DSCAM: variants seen among roughly 807,000 people sequenced by gnomAD.
DSCAM encodes cell adhesion molecule DSCAM.
DSCAM carries 47 observed loss-of-function variants against 217.7 expected under a neutral mutation model. That is an observed-to-expected ratio of 0.22 (90% CI 0.17 to 0.28). The LOEUF (loss-of-function observed/expected upper bound fraction) is 0.28, where lower values mean the gene tolerates loss of function less well. Ranked by LOEUF, DSCAM falls within the 10% of genes least tolerant of loss-of-function variation. The pLI is 1.00. For missense variants in DSCAM, 2,080 were observed against 2,618.3 expected (o/e 0.79, Z 4.49); for synonymous variants, 1,056 against 1,015.3 (o/e 1.04, Z -0.76).
intron 27 of DSCAM, among the ~76,000 whole-genome samples, chr21:40,072,350 C>CTT (rs3069680): frequency 0.2 from 28,543 of 141,242 alleles, 3,577 homozygotes; most frequent in East Asian, 0.38. Context: ...CTGTCAGATT[C>CTT]TTTTTTTTTT....
At position 40,846,779 on chromosome 21, in the gene DSCAM, CCCGCCGCCGCCGCCG is replaced by C. The variant is rs41386156; in HGVS notation, c.-133_-119del. ...CCCGGGGGCCGCCGCCCGCCCGCCG[CCCGCCGCCGCCGCCG>C]CCGCTGCCTAGCCGCCCGGGCACGC... On this transcript the variant is annotated 5_prime_UTR_variant, in exon 1 of 33. Coordinates refer to ENST00000400454, the MANE Select transcript of DSCAM (RefSeq NM_001389.5). 1 of 307,458 alleles carries C rather than the reference CCCGCCGCCGCCGCCG, an allele frequency of 3.3e-6. No individual in the cohort carries two copies. The highest frequency in any genetic ancestry group is 4.7e-6 in the Non-Finnish European group (1 of 212,912). 19.0% of individuals were successfully genotyped at this position (307,458 alleles called of 1,614,324 possible).
At chr21:40,444,146 G>C (rs1179813988) in intron 3 of DSCAM, among the ~76,000 whole-genome samples, 2 of 152,054 alleles carry the variant, frequency 1.3e-5, no homozygotes, top group South Asian at 2.1e-4. Context: ...ACATGTTCAA[G>C]AGAGGATTCA....
intron 27 of DSCAM, among the ~76,000 whole-genome samples, chr21:40,074,625 C>G (rs1490489765): frequency 6.6e-6 from 1 of 152,212 alleles, no homozygotes; most frequent in Admixed American, 6.5e-5. Flanking sequence ...AATGCTTCAC[C>G]AGTATCCTAA....
intron 1 of DSCAM, among the ~76,000 whole-genome samples, chr21:40,744,883 G>T (rs1200364618): frequency 6.6e-6 from 1 of 152,124 alleles, no homozygotes; most frequent in Non-Finnish European, 1.5e-5. Context: ...TAATTTCAGG[G>T]AGTCACAAGA....
At chr21:40,552,724 C>G (rs1467791604) in intron 3 of DSCAM, among the ~76,000 whole-genome samples, 1 of 152,156 alleles carries the variant, frequency 6.6e-6, no homozygotes, top group African/African-American at 2.4e-5. Context: ...AAATTCTTAT[C>G]TAGATGAATT....
intron 9 of DSCAM, among the ~76,000 whole-genome samples, chr21:40,307,566 A>G (rs2074093040): frequency 6.6e-6 from 1 of 152,308 alleles, no homozygotes; most frequent in South Asian, 2.1e-4. Context: ...CATTTGACCC[A>G]GCCATCCCAT....
At chr21:40,497,301 A>G (rs1359403007) in intron 3 of DSCAM, among the ~76,000 whole-genome samples, 1 of 152,228 alleles carries the variant, frequency 6.6e-6, no homozygotes, top group Admixed American at 6.5e-5. Context: ...TCAGCTTTAT[A>G]AAAAAGGAAA....
intron 1 of DSCAM, among the ~76,000 whole-genome samples, chr21:40,774,722 T>A (rs919899169): frequency 6.6e-6 from 1 of 152,054 alleles, no homozygotes; most frequent in African/African-American, 2.4e-5. Context: ...GCCACATTCA[T>A]CATCACTTAG....
At position 40,348,076 on chromosome 21, in the gene DSCAM, T is replaced by G. The variant is rs1188801835; in HGVS notation, c.935-131A>C. 12 of 777,084 alleles carry G rather than the reference T, an allele frequency of 1.5e-5. No homozygotes were observed. In the East Asian group the frequency reaches 2.4e-4, roughly 16 times the overall value. 48.1% of individuals were successfully genotyped at this position (777,084 alleles called of 1,614,324 possible). On this transcript the variant is annotated intron_variant, in intron 5 of 32. Coordinates refer to ENST00000400454, the MANE Select transcript of DSCAM (RefSeq NM_001389.5). Reference sequence around the variant, plus strand: ...CTCCACACAGTTCCCATCAGCCACATTATTGCAATCATACTCCACACAGTT... The same window carrying G: ...CTCCACACAGTTCCCATCAGCCACAGTATTGCAATCATACTCCACACAGTT...
At chr21:40,846,570 C>T in intron 1 of DSCAM, 49 bp downstream of exon 1, 1 of 280,022 alleles carries the variant, frequency 3.6e-6, no homozygotes, top group Non-Finnish European at 6.7e-6. Flanking sequence ...CCCCCGCCCC[C>T]CCGGTCAATG....
At chr21:40,376,825 T>C (rs2074968755) in intron 3 of DSCAM, among the ~76,000 whole-genome samples, 1 of 151,726 alleles carries the variant, frequency 6.6e-6, no homozygotes, top group Non-Finnish European at 1.5e-5. Flanking sequence ...TGTTGAAAGC[T>C]GCATATAAGA....
At chr21:40,379,725 A>G (rs1479446259) in intron 3 of DSCAM, among the ~76,000 whole-genome samples, 1 of 152,156 alleles carries the variant, frequency 6.6e-6, no homozygotes, top group Non-Finnish European at 1.5e-5. Flanking sequence ...CTGCCCCCAA[A>G]GGTTTGCACA....
In DSCAM at chr21:40,339,152, C is replaced by A. The variant is rs746695776; in HGVS notation, c.1474G>T (p.Val492Phe). 3 of 1,614,084 alleles carry A rather than the reference C, an allele frequency of 1.9e-6. No individual in the cohort carries two copies. Among genetic ancestry groups the A allele is most frequent in the Non-Finnish European group, 1.7e-6 (2 of 1,180,040 alleles). Residue 492 changes from valine to phenylalanine, a missense_variant, in exon 7 of 33, where the codon GTC becomes TTC. Physicochemically the swap from Val to Phe is conservative, Grantham distance 50. Around this residue, in one of 5 missense-constraint regions of DSCAM, gnomAD observed 568 missense variants for 678.1 expected, o/e 0.84. Transcript: ENST00000400454. ...YRCTANNSAG[V>F]VLYQARINVR... ...TTTATTCGAGCCTGGTACAGGACGACTCCCGCCGAGTTGTTGGCAGTGCAG... is the reference window on the plus strand; with the variant it reads ...TTTATTCGAGCCTGGTACAGGACGAATCCCGCCGAGTTGTTGGCAGTGCAG...
intron 11 of DSCAM, among the ~76,000 whole-genome samples, chr21:40,256,361 G>T (rs1020882832): frequency 1.1e-4 from 17 of 151,356 alleles, no homozygotes; most frequent in African/African-American, 4.1e-4. Context: ...CATTAGTCAG[G>T]GCTTCCCAGA....
At chr21:40,185,697 G>A (rs1389761659) in intron 14 of DSCAM, among the ~76,000 whole-genome samples, 1 of 152,208 alleles carries the variant, frequency 6.6e-6, no homozygotes, top group Non-Finnish European at 1.5e-5. Context: ...CACCTAAGAA[G>A]CATTTGCTTC....
At chr21:40,185,165 C>A (rs1026463738) in intron 14 of DSCAM, among the ~76,000 whole-genome samples, 1 of 152,110 alleles carries the variant, frequency 6.6e-6, no homozygotes, top group Non-Finnish European at 1.5e-5. Flanking sequence ...TATAGTGACC[C>A]ATAATGCCAC....
At chr21:40,328,287 AATC>A (rs1026274267) in intron 8 of DSCAM, among the ~76,000 whole-genome samples, 7 of 152,170 alleles carry the variant, frequency 4.6e-5, no homozygotes, top group African/African-American at 1.7e-4. Context: ...ACTTCCATAA[AATC>A]ATAGACCAAT....
rs998506396 is a variant in DSCAM at position 40,673,001 on chromosome 21, C to A, written c.508+19809G>T. Among the ~76,000 whole-genome samples, 44 of 152,312 alleles carry A rather than the reference C, an allele frequency of 2.9e-4. 1 individual carries two copies. The highest frequency in any genetic ancestry group is 9.6e-4 in the African/African-American group (40 of 41,566). On this transcript the variant is annotated intron_variant, in intron 3 of 32. Coordinates refer to ENST00000400454, the MANE Select transcript of DSCAM (RefSeq NM_001389.5). ...CATCAATCCCCAGCCCAGAATTCAA[C>A]AGTTTGCCATTATCCCTGCATAAAA...
chr21:40,704,034 A>G (rs1471710679), intron 2 of DSCAM, among the ~76,000 whole-genome samples: 4 of 152,090 alleles, frequency 2.6e-5, no homozygotes, highest in Non-Finnish European at 4.4e-5. Context: ...ACTCATATTT[A>G]TACATTATTA....
Sources: gnomAD v4.1 joint callset for allele counts (sites outside exome capture counted in the v4.1 genomes callset) on GRCh38, gnomAD v4.1.1 for gene constraint, gnomAD v4.1.1 regional missense constraint, MANE v1.5 for transcripts, NCBI Gene and HGNC (gene_info 2026-07-23, HGNC 2026-07-21) for gene names.